The following RALYL variants were observed in gnomAD, a reference collection of about 807,000 sequenced individuals.
RALYL encodes RALY RNA binding protein like.
In RALYL, 29 loss-of-function variants were observed where a neutral mutation model predicts 35.1. The ratio of observed to expected loss-of-function variants is 0.83; its 90% CI spans 0.61 to 1.13. The LOEUF (loss-of-function observed/expected upper bound fraction) is 1.13. Among genes scored for constraint, RALYL ranks in the 50% most tolerant of loss-of-function variants. The pLI is 0.00. For synonymous variants in RALYL, 120 were observed against 127.6 expected, an observed-to-expected ratio of 0.94 and a Z score of 0.40; for missense variants, 359 against 360.4, an observed-to-expected ratio of 1.00 and a Z score of 0.03.
intron 2 of RALYL, among the ~76,000 whole-genome samples, chr8:84,621,253 G>A (rs554457607): frequency 9.0e-4 from 137 of 152,290 alleles, no homozygotes; most frequent in Middle Eastern, 3.4e-3. Flanking sequence ...CTCCGTGGGC[G>A]TGGGCGTAGG....
At chr8:84,238,657 G>C (rs752706751) in intron 1 of RALYL, among the ~76,000 whole-genome samples, 12 of 152,236 alleles carry the variant, frequency 7.9e-5, no homozygotes, top group Non-Finnish European at 1.8e-4. Flanking sequence ...GAAGCAAGGG[G>C]GAAGATAGGA....
intron 3 of RALYL, among the ~76,000 whole-genome samples, chr8:84,784,412 C>G (rs1369637144): frequency 6.6e-6 from 1 of 152,058 alleles, no homozygotes; most frequent in Non-Finnish European, 1.5e-5. Context: ...CTCACTCTTA[C>G]AATGTGAATG....
chr8:84,725,528 A>C (rs1435029518), intron 2 of RALYL, among the ~76,000 whole-genome samples: 2 of 151,772 alleles, frequency 1.3e-5, no homozygotes, highest in Non-Finnish European at 3.0e-5. Context: ...TAGCTGATAC[A>C]TCTGTTCACA....
chr8:84,525,169 A>G (rs2058781314), intron 1 of RALYL, among the ~76,000 whole-genome samples: 1 of 151,874 alleles, frequency 6.6e-6, no homozygotes, highest in Admixed American at 6.6e-5. Context: ...ATCATAGAAA[A>G]TTCTTTGGAA....
chr8:84,592,881 T>C (rs1053105223), intron 2 of RALYL, among the ~76,000 whole-genome samples: 11 of 152,192 alleles, frequency 7.2e-5, no homozygotes, highest in African/African-American at 2.7e-4. Flanking sequence ...TATTGCCCAC[T>C]AATAGATAAA....
At chr8:84,801,159 C>CATT (rs1188809131) in intron 3 of RALYL, among the ~76,000 whole-genome samples, 1 of 152,182 alleles carries the variant, frequency 6.6e-6, no homozygotes, top group African/African-American at 2.4e-5. Context: ...GTGTCATCAT[C>CATT]ATTTTGAGGA....
intron 1 of RALYL, among the ~76,000 whole-genome samples, chr8:84,311,206 A>G (rs1842758807): frequency 6.6e-6 from 1 of 151,660 alleles, no homozygotes; most frequent in South Asian, 2.1e-4. Context: ...TAATGTAAAA[A>G]ACCTTTAAAA....
intron 2 of RALYL, among the ~76,000 whole-genome samples, chr8:84,606,068 G>A (rs891475076): frequency 3.3e-5 from 5 of 152,012 alleles, no homozygotes; most frequent in African/African-American, 1.2e-4. Context: ...GATCACAGGA[G>A]GTTTTCAACC....
intron 4 of RALYL, among the ~76,000 whole-genome samples, chr8:84,839,421 A>C (rs1832721565): frequency 6.6e-6 from 1 of 152,298 alleles, no homozygotes; most frequent in Middle Eastern, 3.4e-3. Context: ...AAGCTGGGGG[A>C]GGGATGCCCG....
chr8:84,276,913 C>T (rs902221500), intron 1 of RALYL, among the ~76,000 whole-genome samples: 6 of 152,176 alleles, frequency 3.9e-5, no homozygotes, highest in African/African-American at 1.4e-4. Context: ...ATATTGTCAT[C>T]ATTCTGTCTT....
At chr8:84,853,975 A>C (rs527539270) in intron 5 of RALYL, among the ~76,000 whole-genome samples, 1 of 152,328 alleles carries the variant, frequency 6.6e-6, no homozygotes, top group Admixed American at 6.5e-5. Context: ...AAATGAGGTA[A>C]CATAATGATC....
chr8:84,753,766 T>A (rs918112472), intron 2 of RALYL, among the ~76,000 whole-genome samples: 1 of 152,142 alleles, frequency 6.6e-6, no homozygotes, highest in Non-Finnish European at 1.5e-5. Flanking sequence ...CATGCTAGCA[T>A]CATGCCCCCT....
At chr8:84,726,120 A>G (rs913382324) in intron 2 of RALYL, among the ~76,000 whole-genome samples, 2 of 150,676 alleles carry the variant, frequency 1.3e-5, no homozygotes, top group Non-Finnish European at 1.5e-5. Flanking sequence ...AAATCCATAA[A>G]CAATCATCAT....
chr8:84,418,001 GAGATGATC>G (rs892322302), intron 1 of RALYL, among the ~76,000 whole-genome samples: 111 of 152,222 alleles, frequency 7.3e-4, no homozygotes, highest in African/African-American at 2.6e-3. Flanking sequence ...TGCCCAACAG[GAGATGATC>G]AGTTTAAAGA....
intron 2 of RALYL, among the ~76,000 whole-genome samples, chr8:84,632,539 T>C: frequency 6.6e-6 from 1 of 151,706 alleles, no homozygotes; most frequent in East Asian, 1.9e-4. Context: ...TACAAAAAAA[T>C]AACAGTTGTC....
intron 1 of RALYL, among the ~76,000 whole-genome samples, chr8:84,312,948 T>C (rs1333810335): frequency 2.0e-4 from 30 of 151,894 alleles, no homozygotes; most frequent in Non-Finnish European, 4.4e-5. Flanking sequence ...TCAAGTAGAG[T>C]TTCAACATGA....
chr8:84,874,514 G>A (rs977702817), intron 7 of RALYL, among the ~76,000 whole-genome samples: 20 of 152,166 alleles, frequency 1.3e-4, no homozygotes, highest in African/African-American at 4.8e-4. Context: ...CTAAAGTAAG[G>A]CTATCTGGGT....
chr8:84,414,074 T>C (rs2044371072), intron 1 of RALYL, among the ~76,000 whole-genome samples: 1 of 152,102 alleles, frequency 6.6e-6, no homozygotes, highest in Non-Finnish European at 1.5e-5. Flanking sequence ...TAAACTTCTA[T>C]TGTGTTCAGC....
intron 1 of RALYL, among the ~76,000 whole-genome samples, chr8:84,185,548 T>G (rs889657920): frequency 5.9e-5 from 9 of 152,070 alleles, no homozygotes; most frequent in African/African-American, 2.2e-4. Flanking sequence ...TGCTGGAAAT[T>G]TTTCTGTCCA....
Sources: gnomAD v4.1 joint callset for allele counts (sites outside exome capture counted in the v4.1 genomes callset) on GRCh38, gnomAD v4.1.1 for gene constraint, MANE v1.5 for transcripts, NCBI Gene and HGNC (gene_info 2026-07-23, HGNC 2026-07-21) for gene names.